Variants in CSMD1 observed in about 807,000 individuals in gnomAD.
CSMD1 encodes CUB and sushi domain-containing protein 1.
A neutral mutation model predicts 417.5 loss-of-function variants in CSMD1; 213 were observed. The observed-to-expected ratio is 0.51, with a 90% CI of 0.46 to 0.57. CSMD1 has a LOEUF of 0.57. Ranked by LOEUF, CSMD1 falls within the 20% of genes least tolerant of loss-of-function variation. CSMD1 has a pLI of 0.00. For synonymous variants in CSMD1, 2,862 were observed against 1,736.8 expected (o/e 1.65, Z -16.11); for missense variants, 6,923 against 4,529.7 (o/e 1.53, Z -15.17).
intron 25 of CSMD1, among the ~76,000 whole-genome samples, chr8:3,288,705 T>C (rs554867755): frequency 6.8e-6 from 1 of 147,382 alleles, no homozygotes; most frequent in Non-Finnish European, 1.5e-5. Flanking sequence ...TCTTTATTTT[T>C]CTTGATAGCA....
At chr8:4,442,664 T>C (rs1798551669) in intron 2 of CSMD1, among the ~76,000 whole-genome samples, 1 of 152,162 alleles carries the variant, frequency 6.6e-6, no homozygotes, top group South Asian at 2.1e-4. Flanking sequence ...AAAACTTCAT[T>C]GACTTTCCCT....
At chr8:3,246,215 TG>T (rs1799869414) in intron 26 of CSMD1, among the ~76,000 whole-genome samples, 1 of 152,146 alleles carries the variant, frequency 6.6e-6, no homozygotes, top group Non-Finnish European at 1.5e-5. Context: ...GGGCCCTGCC[TG>T]CCACACATCC....
At chr8:3,996,180 CT>C (rs1249387710) in intron 5 of CSMD1, among the ~76,000 whole-genome samples, 1 of 145,504 alleles carries the variant, frequency 6.9e-6, no homozygotes, top group Non-Finnish European at 1.6e-5. Flanking sequence ...ATCGGCCTCA[CT>C]TGCTTCTACC....
chr8:4,642,561 G>A (rs1197006886), intron 1 of CSMD1, among the ~76,000 whole-genome samples: 1 of 152,042 alleles, frequency 6.6e-6, no homozygotes. Flanking sequence ...CGCCTTCCTA[G>A]ATTCTACACC....
intron 3 of CSMD1, among the ~76,000 whole-genome samples, chr8:4,203,337 G>C (rs938827709): frequency 6.6e-6 from 1 of 152,104 alleles, no homozygotes; most frequent in African/African-American, 2.4e-5. Context: ...CCCATCTGCA[G>C]GTTAGAAGCC....
intron 11 of CSMD1, among the ~76,000 whole-genome samples, chr8:3,479,581 G>A (rs1817619090): frequency 1.3e-5 from 2 of 152,156 alleles, no homozygotes; most frequent in South Asian, 4.1e-4. Context: ...CGCCCAGCCT[G>A]CCATTTCTTT....
At chr8:3,602,196 A>G (rs1199885224) in intron 8 of CSMD1, among the ~76,000 whole-genome samples, 1 of 152,158 alleles carries the variant, frequency 6.6e-6, no homozygotes, top group Non-Finnish European at 1.5e-5. Flanking sequence ...AAAAATCTTC[A>G]TGACTGGTCC....
At chr8:3,159,326 G>A (rs529115987) in intron 38 of CSMD1, among the ~76,000 whole-genome samples, 36 of 152,236 alleles carry the variant, frequency 2.4e-4, no homozygotes, top group African/African-American at 7.7e-4. Context: ...ATAGGACCCT[G>A]TGCATTTATT....
intron 3 of CSMD1, among the ~76,000 whole-genome samples, chr8:4,180,766 C>A (rs1798323320): frequency 6.6e-6 from 1 of 152,120 alleles, no homozygotes; most frequent in African/African-American, 2.4e-5. Flanking sequence ...TCTTATCTAA[C>A]ATTGTGTTAA....
At chr8:4,092,840 T>A (rs1800791395) in intron 3 of CSMD1, among the ~76,000 whole-genome samples, 1 of 152,210 alleles carries the variant, frequency 6.6e-6, no homozygotes, top group African/African-American at 2.4e-5. Flanking sequence ...CAAAGCACTT[T>A]GCTGGTTGAA....
At chr8:3,010,171 G>C (rs1722689749) in intron 52 of CSMD1, among the ~76,000 whole-genome samples, 1 of 152,134 alleles carries the variant, frequency 6.6e-6, no homozygotes, top group African/African-American at 2.4e-5. Context: ...ATTCATACAG[G>C]AGGCAAAGAT....
intron 2 of CSMD1, among the ~76,000 whole-genome samples, chr8:4,634,381 G>GA (rs902600814): frequency 4.6e-5 from 7 of 151,398 alleles, no homozygotes; most frequent in African/African-American, 1.7e-4. Context: ...AGTTTATTTC[G>GA]AAAAAAAATA....
chr8:4,169,989 G>C (rs747841364), intron 3 of CSMD1, among the ~76,000 whole-genome samples: 2 of 151,814 alleles, frequency 1.3e-5, no homozygotes, highest in African/African-American at 4.9e-5. Flanking sequence ...GTGCATAGAA[G>C]AGTGTTAGAG....
intron 3 of CSMD1, among the ~76,000 whole-genome samples, chr8:4,300,249 CAG>C (rs1347734588): frequency 6.6e-6 from 1 of 152,192 alleles, no homozygotes; most frequent in Non-Finnish European, 1.5e-5. Context: ...TTTGTAAACA[CAG>C]AGCTTTCTGC....
intron 25 of CSMD1, among the ~76,000 whole-genome samples, chr8:3,302,687 G>C (rs1401493751): frequency 2.0e-5 from 3 of 152,198 alleles, no homozygotes; most frequent in Non-Finnish European, 2.9e-5. Context: ...TGAAAGAGGA[G>C]ATGTGATCTG....
At chr8:4,565,713 T>C (rs1798564910) in intron 2 of CSMD1, among the ~76,000 whole-genome samples, 1 of 145,874 alleles carries the variant, frequency 6.9e-6, no homozygotes, top group African/African-American at 2.6e-5. Context: ...CCAGCCTGGG[T>C]GACAGCGCAA....
chr8:4,037,409 G>C (rs1047961254), intron 3 of CSMD1, among the ~76,000 whole-genome samples: 2 of 152,218 alleles, frequency 1.3e-5, no homozygotes, highest in Non-Finnish European at 2.9e-5. Context: ...TGGCATTATA[G>C]AGAATAAAGA....
chr8:3,060,583 T>C (rs940550409), intron 49 of CSMD1, among the ~76,000 whole-genome samples: 4 of 152,254 alleles, frequency 2.6e-5, no homozygotes, highest in Non-Finnish European at 5.9e-5. Context: ...TAAGTTGGTT[T>C]ACAAGCACTT....
At chr8:4,305,002 G>C (rs140375068) in intron 3 of CSMD1, among the ~76,000 whole-genome samples, 3 of 152,100 alleles carry the variant, frequency 2.0e-5, no homozygotes, top group Non-Finnish European at 4.4e-5. Flanking sequence ...TGTTCTTACA[G>C]GACCCACTAC....
Sources: allele counts gnomAD v4.1 joint callset (sites outside exome capture counted in the v4.1 genomes callset), GRCh38; gene constraint gnomAD v4.1.1; transcripts MANE v1.5; gene names NCBI Gene and HGNC (gene_info 2026-07-23, HGNC 2026-07-21).